Variants in RBFOX2 observed in about 807,000 individuals in gnomAD.
RBFOX2 encodes the protein RNA binding fox-1 homolog 2.
In RBFOX2, 10 loss-of-function variants were observed where a neutral mutation model predicts 49.1. The ratio of observed to expected loss-of-function variants is 0.20; its 90% CI spans 0.13 to 0.35. RBFOX2 has a LOEUF of 0.35. Ranked by LOEUF, RBFOX2 falls within the 10% of genes least tolerant of loss-of-function variation. The pLI is 1.00. For synonymous variants in RBFOX2, 183 were observed against 187.4 expected (o/e 0.98, Z 0.19); for missense variants, 323 against 486.9 (o/e 0.66, Z 3.17).
rs543428209 is a variant in RBFOX2 at position 36,024,808 on chromosome 22, A to AT, written c.186+3431dup. On this transcript the variant is annotated intron_variant, in intron 1 of 13. Coordinates refer to the RBFOX2 transcript ENST00000438146. ...TACCCAAAACACTGGCTACGATAAG[A>AT]TTTTTTTTATTTTTTTGAGACAGAT... 9.9e-5 allele frequency among the ~76,000 whole-genome samples: 15 copies of AT among 151,818 alleles called. No homozygotes were observed. The East Asian group carries it at 2.3e-3, about 24-fold the overall frequency.
chr22:35,981,110 A>C (rs1489307935), intron 1 of RBFOX2, among the ~76,000 whole-genome samples: 1 of 152,198 alleles, frequency 6.6e-6, no homozygotes, highest in Non-Finnish European at 1.5e-5. Flanking sequence ...TCACCAAAAC[A>C]ACGTTATGGT....
intron 4 of RBFOX2, among the ~76,000 whole-genome samples, chr22:35,772,763 G>A (rs1169740901): frequency 6.6e-6 from 1 of 152,112 alleles, no homozygotes; most frequent in Admixed American, 6.6e-5. Flanking sequence ...TTCACAGCCT[G>A]CCTTTACATC....
At chr22:35,778,643 T>TAA (rs869152938) in intron 3 of RBFOX2, among the ~76,000 whole-genome samples, 1 of 144,488 alleles carries the variant, frequency 6.9e-6, no homozygotes. Context: ...TAATTTGCTT[T>TAA]AAAAAAAAAA....
At chr22:35,843,510 A>AC (rs546917515), upstream of RBFOX2, among the ~76,000 whole-genome samples, 33 of 152,304 alleles carry the variant, frequency 2.2e-4, no homozygotes, top group East Asian at 5.4e-3. Flanking sequence ...ATTGAAATTT[A>AC]CCTTACTGAA....
intron 2 of RBFOX2, among the ~76,000 whole-genome samples, chr22:35,800,451 C>T (rs1458412570): frequency 2.0e-5 from 3 of 152,214 alleles, no homozygotes; most frequent in Non-Finnish European, 4.4e-5. Context: ...CACCTTATTT[C>T]CCACTAGTCT....
At chr22:35,965,224 T>C (rs1415507176), upstream of RBFOX2, among the ~76,000 whole-genome samples, 3 of 152,182 alleles carry the variant, frequency 2.0e-5, no homozygotes, top group Non-Finnish European at 4.4e-5. Context: ...TACAAAGGGA[T>C]GGTCATAAGA....
At chr22:36,013,260 G>A (rs1278511976) in intron 1 of RBFOX2, among the ~76,000 whole-genome samples, 1 of 152,026 alleles carries the variant, frequency 6.6e-6, no homozygotes, top group African/African-American at 2.4e-5. Context: ...GTGACAGAGT[G>A]AGACCCTCTA....
At position 35,754,226 on chromosome 22, in the gene RBFOX2, G is replaced by C. The variant is rs190497021; in HGVS notation, c.887+5662C>G. 9.3e-5 allele frequency among the ~76,000 whole-genome samples: 14 copies of C among 150,298 alleles called. 1 individual carries two copies. The East Asian group carries it at 2.6e-3, about 28-fold the overall frequency. The stretch of plus-strand genomic sequence containing the variant: ...CCTACATCAGCCTCCCGAGTAGCTG[G>C]GACTACAGGCGCCCGCCACCACGCC... On this transcript the variant is annotated intron_variant, in intron 9 of 11. Coordinates refer to ENST00000405409, the Ensembl canonical transcript of RBFOX2.
At chr22:35,925,539 A>T (rs998598288) in intron 1 of RBFOX2, among the ~76,000 whole-genome samples, 1 of 152,156 alleles carries the variant, frequency 6.6e-6, no homozygotes, top group Admixed American at 6.5e-5. Context: ...CAAAAAGCAA[A>T]GTAGAAAGCA....
chr22:35,946,312 T>A (rs549259983), intron 1 of RBFOX2, among the ~76,000 whole-genome samples: 3 of 152,228 alleles, frequency 2.0e-5, no homozygotes, highest in African/African-American at 7.2e-5. Flanking sequence ...TACAGATATA[T>A]GTAACTCCTT....
intron 1 of RBFOX2, among the ~76,000 whole-genome samples, chr22:35,887,628 C>T (rs73413850): frequency 6.6e-6 from 1 of 152,044 alleles, no homozygotes; most frequent in African/African-American, 2.4e-5. Flanking sequence ...ATACTGCTTC[C>T]AAACCACTTC....
chr22:35,923,589 G>T (rs1206760566), intron 1 of RBFOX2, among the ~76,000 whole-genome samples: 1 of 151,962 alleles, frequency 6.6e-6, no homozygotes, highest in Non-Finnish European at 1.5e-5. Context: ...TTAATAAATT[G>T]TGGCCAAGGA....
At chr22:35,862,067 T>C (rs183970323) in intron 1 of RBFOX2, among the ~76,000 whole-genome samples, 29 of 152,242 alleles carry the variant, frequency 1.9e-4, no homozygotes, top group African/African-American at 3.4e-4. Context: ...ATACTAGAAA[T>C]TGCCAACTAA....
rs1445509058 is a variant in RBFOX2 at position 36,028,432 on chromosome 22, G to T, written c.-7C>A. 8 of 1,208,064 alleles carry T rather than the reference G, an allele frequency of 6.6e-6. No individual in the cohort carries two copies. In the African/African-American group the frequency reaches 1.3e-4, roughly 19 times the overall value. 74.8% of individuals were successfully genotyped at this position (1,208,064 alleles called of 1,614,324 possible). ...GCTGGGCGCCCTCCGCCATCCGCCC[G>T]CGCCCCCCTCGCCTCCGGGAGCCGG... On this transcript the variant is annotated 5_prime_UTR_variant, in exon 1 of 14. Coordinates refer to the RBFOX2 transcript ENST00000438146.
intron 1 of RBFOX2, among the ~76,000 whole-genome samples, chr22:35,973,018 T>G (rs2056963619): frequency 6.6e-6 from 1 of 152,088 alleles, no homozygotes; most frequent in African/African-American, 2.4e-5. Flanking sequence ...TCAATAAATA[T>G]TTACCAAATC....
intron 2 of RBFOX2, among the ~76,000 whole-genome samples, chr22:35,792,330 A>AAAAG (rs1395907123): frequency 5.1e-5 from 7 of 136,428 alleles, no homozygotes; most frequent in African/African-American, 8.8e-5. Flanking sequence ...AAAAAAAAAA[A>AAAAG]AAAAGAAAAG....
chr22:36,018,195 G>A (rs559265083), intron 1 of RBFOX2, among the ~76,000 whole-genome samples: 7 of 152,218 alleles, frequency 4.6e-5, no homozygotes, highest in Admixed American at 1.3e-4. Context: ...CTGGGTAAGC[G>A]TGGTGGGGCA....
At chr22:35,948,691 ATTTT>A (rs923304352) in intron 1 of RBFOX2, among the ~76,000 whole-genome samples, 13 of 151,960 alleles carry the variant, frequency 8.6e-5, no homozygotes, top group African/African-American at 2.4e-4. Flanking sequence ...TCAAAAAAAA[ATTTT>A]TTTTAATTAA....
At chr22:35,979,127 T>C (rs1458593111) in intron 1 of RBFOX2, among the ~76,000 whole-genome samples, 1 of 152,150 alleles carries the variant, frequency 6.6e-6, no homozygotes, top group East Asian at 1.9e-4. Flanking sequence ...ATAGCATCAT[T>C]GCAGTGGTAT....
Sources: gnomAD v4.1 joint callset for allele counts (sites outside exome capture counted in the v4.1 genomes callset) on GRCh38, gnomAD v4.1.1 for gene constraint, MANE v1.5 for transcripts, NCBI Gene and HGNC (gene_info 2026-07-23, HGNC 2026-07-21) for gene names.